MANBA: variants seen among roughly 807,000 people sequenced by gnomAD.
The protein encoded by MANBA is beta-mannosidase.
Under a neutral mutation model 111.1 loss-of-function variants are expected in MANBA, and 83 were observed. That is an observed-to-expected ratio of 0.75 (90% CI 0.63 to 0.90). The LOEUF is 0.90. Ranked by LOEUF, MANBA falls within the 40% of genes least tolerant of loss-of-function variation. The probability of loss-of-function intolerance (pLI) is 0.00; values close to 1 mark genes in which losing one functional copy is unlikely to be tolerated. For synonymous variants in MANBA, 370 were observed against 378.7 expected, an observed-to-expected ratio of 0.98 and a Z score of 0.27; for missense variants, 1,036 against 1,069.0, an observed-to-expected ratio of 0.97 and a Z score of 0.43.
chr4:102,712,387 T>C, intron 5 of MANBA, among the ~76,000 whole-genome samples: 1 of 152,190 alleles, frequency 6.6e-6, no homozygotes, highest in East Asian at 1.9e-4. Flanking sequence ...ATTCAAATTG[T>C]AAATTAAACC....
intron 7 of MANBA, among the ~76,000 whole-genome samples, chr4:102,677,065 T>C (rs748115240): frequency 9.9e-5 from 15 of 152,202 alleles, no homozygotes; most frequent in Non-Finnish European, 1.5e-4. Flanking sequence ...TCACAATAGA[T>C]AGCTGGAGGA....
chr4:102,752,006 A>G, intron 1 of MANBA: 1 of 739,114 alleles, frequency 1.4e-6, no homozygotes, highest in Non-Finnish European at 2.6e-6. Flanking sequence ...TCAGGAACTA[A>G]ATTTTGTAGT....
chr4:102,745,454 C>A (rs544949491), intron 1 of MANBA, among the ~76,000 whole-genome samples: 1 of 152,264 alleles, frequency 6.6e-6, no homozygotes, highest in African/African-American at 2.4e-5. Context: ...CATCACAAAT[C>A]CATTTCGCAA....
At chr4:102,746,889 G>A (rs977121771) in intron 1 of MANBA, among the ~76,000 whole-genome samples, 20 of 151,508 alleles carry the variant, frequency 1.3e-4, no homozygotes, top group African/African-American at 4.4e-4. Context: ...GCAGAATGCC[G>A]TGAACCCAGG....
chr4:102,755,021 A>G (rs552428319), intron 1 of MANBA, among the ~76,000 whole-genome samples: 1 of 152,326 alleles, frequency 6.6e-6, no homozygotes, highest in East Asian at 1.9e-4. Flanking sequence ...GGAAGAATTA[A>G]TATCATGAAA....
chr4:102,661,991 T>C (rs976038084), intron 11 of MANBA, among the ~76,000 whole-genome samples: 4 of 152,244 alleles, frequency 2.6e-5, no homozygotes, highest in Admixed American at 6.5e-5. Context: ...CTTTTAATAC[T>C]ATTCATCTTT....
intron 5 of MANBA, among the ~76,000 whole-genome samples, chr4:102,706,188 C>T (rs1372139462): frequency 6.6e-6 from 1 of 152,228 alleles, no homozygotes; most frequent in Non-Finnish European, 1.5e-5. Context: ...CCAGCATATA[C>T]TGCACTGAAG....
chr4:102,653,032 A>T (rs1273891395), intron 12 of MANBA, among the ~76,000 whole-genome samples: 1 of 152,196 alleles, frequency 6.6e-6, no homozygotes, highest in East Asian at 1.9e-4. Context: ...TCCCTAGTTC[A>T]TTAAACCCAG....
intron 4 of MANBA, among the ~76,000 whole-genome samples, chr4:102,715,088 C>T (rs977576825): frequency 6.6e-6 from 1 of 152,168 alleles, no homozygotes; most frequent in Non-Finnish European, 1.5e-5. Context: ...AATGATCCCC[C>T]CTTTGAAGTG....
intron 7 of MANBA, among the ~76,000 whole-genome samples, chr4:102,676,024 ATC>A (rs1201882407): frequency 5.9e-5 from 9 of 152,188 alleles, no homozygotes; most frequent in African/African-American, 2.2e-4. Context: ...ATCTGTCTAT[ATC>A]TGAGGATGCT....
intron 5 of MANBA, among the ~76,000 whole-genome samples, chr4:102,709,087 C>A (rs1721893817): frequency 6.6e-6 from 1 of 151,566 alleles, no homozygotes; most frequent in African/African-American, 2.4e-5. Flanking sequence ...GAGGCCAAGG[C>A]AGGAGGATTG....
rs1456525069 is a variant in MANBA, at chr4:102,631,465, T to G, written c.*592A>C. 6.4e-6 allele frequency: 2 copies of G among 312,808 alleles called. No individual in the cohort carries two copies. The highest frequency in any genetic ancestry group is 1.1e-5 in the Non-Finnish European group (2 of 174,302). 19.4% of individuals were successfully genotyped at this position (312,808 alleles called of 1,614,324 possible). Reference sequence around the variant, plus strand: ...GCAAAATTGAATATTTATAGAACGGTTAAATAAGCCACAGATGAAATATCA... The same window carrying G: ...GCAAAATTGAATATTTATAGAACGGGTAAATAAGCCACAGATGAAATATCA... On this transcript the variant is annotated 3_prime_UTR_variant, in exon 17 of 17. Coordinates refer to ENST00000647097, the MANE Select transcript of MANBA (RefSeq NM_005908.4).
chr4:102,702,267 T>G (rs1733090226), intron 5 of MANBA, among the ~76,000 whole-genome samples: 1 of 151,450 alleles, frequency 6.6e-6, no homozygotes, highest in African/African-American at 2.5e-5. Flanking sequence ...TCGTCTAAAT[T>G]CTTTTCAAAG....
intron 1 of MANBA, among the ~76,000 whole-genome samples, chr4:102,759,170 A>G (rs1180584822): frequency 1.5e-5 from 2 of 135,730 alleles, no homozygotes; most frequent in Non-Finnish European, 3.1e-5. Context: ...GAATCTCTCT[A>G]TGTTGGCCAT....
chr4:102,647,193 A>G (rs542143506), intron 13 of MANBA, among the ~76,000 whole-genome samples: 1 of 150,612 alleles, frequency 6.6e-6, no homozygotes, highest in African/African-American at 2.5e-5. Flanking sequence ...AAAATCTGAC[A>G]CTGAAAACAA....
chr4:102,641,970 C>T (rs1249124375), intron 13 of MANBA, among the ~76,000 whole-genome samples: 1 of 151,596 alleles, frequency 6.6e-6, no homozygotes. Context: ...CAGGCTCTGG[C>T]ACAGTGCAGT....
At chr4:102,633,425 T>A (rs1729475749) in intron 16 of MANBA, 1 of 398,464 alleles carries the variant, frequency 2.5e-6, no homozygotes, top group African/African-American at 2.1e-5. Context: ...GGATTGGAAA[T>A]CTCCTCTCTG....
In MANBA at chr4:102,725,100, C is replaced by T. The variant is rs558045589; in HGVS notation, c.273-1133G>A. 5.9e-5 allele frequency among the ~76,000 whole-genome samples: 9 copies of T among 151,952 alleles called. No individual in the cohort carries two copies. In the East Asian group the frequency reaches 9.7e-4, roughly 16 times the overall value. On this transcript the variant is annotated intron_variant, in intron 2 of 16. Transcript: ENST00000647097. ...AGAATTCAGGGGCAGGAGGAGTGGG[C>T]AATGGGAAATGACTGCTAATGGGTG...
At chr4:102,676,582 C>T (rs1731738681) in intron 7 of MANBA, among the ~76,000 whole-genome samples, 2 of 152,112 alleles carry the variant, frequency 1.3e-5, no homozygotes, top group Non-Finnish European at 2.9e-5. Context: ...CCTGATATCT[C>T]ATCTGAAATA....
Sources: allele counts gnomAD v4.1 joint callset (sites outside exome capture counted in the v4.1 genomes callset), GRCh38; gene constraint gnomAD v4.1.1; transcripts MANE v1.5; gene names NCBI Gene and HGNC (gene_info 2026-07-23, HGNC 2026-07-21).